The following MLIP variants were observed in gnomAD, a reference collection of about 807,000 sequenced individuals.
MLIP encodes muscular LMNA interacting protein.
A neutral mutation model predicts 84.8 loss-of-function variants in MLIP; 79 were observed. That is an observed-to-expected ratio of 0.93 (90% CI 0.78 to 1.12). The LOEUF (loss-of-function observed/expected upper bound fraction) is 1.12, where lower values mean the gene tolerates loss of function less well. Among genes scored for constraint, MLIP ranks in the 50% most tolerant of loss-of-function variants. The pLI, the probability that MLIP is intolerant of heterozygous loss-of-function variation, is 0.00. For missense variants in MLIP, 1,257 were observed against 1,160.6 expected (o/e 1.08, Z -1.21); for synonymous variants, 504 against 463.0 (o/e 1.09, Z -1.14).
chr6:54,120,493 C>T (rs1770353965), intron 1 of MLIP, among the ~76,000 whole-genome samples: 2 of 152,360 alleles, frequency 1.3e-5, no homozygotes, highest in Admixed American at 1.3e-4. Context: ...CCCGCCTTGG[C>T]CTCCCAAAGT....
chr6:54,127,054 C>T (rs1001897853), intron 3 of MLIP, among the ~76,000 whole-genome samples: 3 of 152,188 alleles, frequency 2.0e-5, no homozygotes, highest in Non-Finnish European at 4.4e-5. Context: ...CCCTTGATTC[C>T]TCTGGTCAAA....
At chr6:54,181,296 A>G (rs1312414925) in intron 9 of MLIP, among the ~76,000 whole-genome samples, 2 of 152,150 alleles carry the variant, frequency 1.3e-5, no homozygotes, top group African/African-American at 4.8e-5. Context: ...CAACACCACC[A>G]GCACATGGGC....
chr6:54,216,585 TTA>T (rs1469678164), intron 11 of MLIP: 6 of 977,508 alleles, frequency 6.1e-6, no homozygotes, highest in African/African-American at 1.8e-5. Context: ...ATCTTAAAAA[TTA>T]TGTTGTGATT....
chr6:54,168,562 T>A (rs1427477632), intron 8 of MLIP, among the ~76,000 whole-genome samples: 1 of 151,854 alleles, frequency 6.6e-6, no homozygotes, highest in Non-Finnish European at 1.5e-5. Context: ...TTGTCTCTTC[T>A]GTTCACCAAT....
intron 1 of MLIP, among the ~76,000 whole-genome samples, chr6:54,082,247 G>A (rs1380878298): frequency 6.6e-6 from 1 of 152,044 alleles, no homozygotes; most frequent in Non-Finnish European, 1.5e-5. Flanking sequence ...CTCTGTTGAT[G>A]GGCATTTAGA....
chr6:54,052,844 A>G (rs1049810109), intron 1 of MLIP, among the ~76,000 whole-genome samples: 1 of 152,226 alleles, frequency 6.6e-6, no homozygotes, highest in African/African-American at 2.4e-5. Context: ...TGGTTTCTAA[A>G]GTGAATCTGA....
chr6:54,235,978 G>A (rs960146273), intron 12 of MLIP, among the ~76,000 whole-genome samples: 1 of 152,140 alleles, frequency 6.6e-6, no homozygotes, highest in African/African-American at 2.4e-5. Context: ...TGCCCCTACA[G>A]CTTACATGGG....
intron 1 of MLIP, among the ~76,000 whole-genome samples, chr6:54,112,040 G>GA (rs753255485): frequency 6.6e-6 from 1 of 152,124 alleles, no homozygotes. Context: ...AGTGTATTTA[G>GA]AAAAAGATTT....
intron 5 of MLIP, among the ~76,000 whole-genome samples, chr6:54,150,991 T>C (rs1190894455): frequency 6.6e-6 from 1 of 152,226 alleles, no homozygotes; most frequent in Non-Finnish European, 1.5e-5. Context: ...AAAATTATTA[T>C]GTCTATTGTT....
At chr6:54,088,079 C>T (rs1049390790) in intron 1 of MLIP, among the ~76,000 whole-genome samples, 1 of 152,104 alleles carries the variant, frequency 6.6e-6, no homozygotes, top group Non-Finnish European at 1.5e-5. Flanking sequence ...TTTGCATATT[C>T]TTATGCTTAT....
At chr6:54,020,626 C>T (rs1220771583) in intron 1 of MLIP, among the ~76,000 whole-genome samples, 2 of 152,128 alleles carry the variant, frequency 1.3e-5, no homozygotes, top group African/African-American at 2.4e-5. Flanking sequence ...CGAAGTGATT[C>T]GATGTATTAG....
upstream of MLIP, among the ~76,000 whole-genome samples, chr6:54,106,925 C>G (rs918635682): frequency 6.6e-6 from 1 of 152,134 alleles, no homozygotes; most frequent in Non-Finnish European, 1.5e-5. Context: ...TGGGCTACTT[C>G]AAAGCTGAGG....
At chr6:54,212,688 T>G (rs1361695983) in intron 11 of MLIP, among the ~76,000 whole-genome samples, 2 of 152,188 alleles carry the variant, frequency 1.3e-5, no homozygotes, top group African/African-American at 4.8e-5. Context: ...TGAGAAATCA[T>G]CAATATGATT....
chr6:54,115,769 A>G (rs546586431), intron 1 of MLIP, among the ~76,000 whole-genome samples: 2 of 152,142 alleles, frequency 1.3e-5, no homozygotes, highest in Non-Finnish European at 1.5e-5. Flanking sequence ...AAGTTTTTAG[A>G]CAAGAGAGAA....
intron 13 of MLIP, chr6:54,261,825 G>A: frequency 1.3e-6 from 1 of 747,794 alleles, no homozygotes; most frequent in African/African-American, 1.9e-5. Flanking sequence ...ATTCTTTTCA[G>A]GCAATTTTCC....
At chr6:54,186,733 G>T (rs1777433601) in intron 9 of MLIP, among the ~76,000 whole-genome samples, 1 of 152,132 alleles carries the variant, frequency 6.6e-6, no homozygotes, top group South Asian at 2.1e-4. Context: ...CTGCCCTCAT[G>T]ATCCAATCAC....
intron 1 of MLIP, among the ~76,000 whole-genome samples, chr6:54,086,959 C>T (rs148869226): frequency 2.5e-4 from 38 of 152,278 alleles, no homozygotes; most frequent in Admixed American, 1.9e-3. Flanking sequence ...CTTCTCAGCA[C>T]GACCACAATA....
At chr6:54,206,615 C>T (rs1417391) in intron 11 of MLIP, among the ~76,000 whole-genome samples, 85,867 of 151,918 alleles carry the variant, frequency 0.57, 26,362 homozygotes, top group East Asian at 0.7. Flanking sequence ...GTATTTCATT[C>T]CCGCTTTTCT....
chr6:54,150,807 C>G (rs1011765469), intron 5 of MLIP, among the ~76,000 whole-genome samples: 1 of 152,102 alleles, frequency 6.6e-6, no homozygotes, highest in Admixed American at 6.6e-5. Flanking sequence ...AATTATTGAG[C>G]TTATAATTTA....
Sources: gnomAD v4.1 joint callset for allele counts (sites outside exome capture counted in the v4.1 genomes callset) on GRCh38, gnomAD v4.1.1 for gene constraint, MANE v1.5 for transcripts, NCBI Gene and HGNC (gene_info 2026-07-23, HGNC 2026-07-21) for gene names.